The following RERE variants were observed in gnomAD, a reference collection of about 807,000 sequenced individuals.
The protein encoded by RERE is arginine-glutamic acid dipeptide repeats protein.
RERE carries 40 observed loss-of-function variants against 146.1 expected under a neutral mutation model. The ratio of observed to expected loss-of-function variants is 0.27; its 90% CI spans 0.21 to 0.36. RERE has a LOEUF of 0.36. Ranked by LOEUF, RERE falls within the 10% of genes least tolerant of loss-of-function variation. The probability of loss-of-function intolerance (pLI) is 1.00; values close to 1 mark genes in which losing one functional copy is unlikely to be tolerated. For missense variants in RERE, 1,933 were observed against 2,138.7 expected, an observed-to-expected ratio of 0.90 and a Z score of 1.90; for synonymous variants, 1,003 against 866.0, an observed-to-expected ratio of 1.16 and a Z score of -2.78.
intron 2 of RERE, among the ~76,000 whole-genome samples, chr1:8,654,225 T>C (rs1423886143): frequency 6.6e-6 from 1 of 151,994 alleles, no homozygotes; most frequent in African/African-American, 2.4e-5. Flanking sequence ...TTTGCAGAGA[T>C]ACGGTCTCAC....
At chr1:8,501,893 GT>G (rs1332733590) in intron 8 of RERE, among the ~76,000 whole-genome samples, 10 of 100,394 alleles carry the variant, frequency 1.0e-4, no homozygotes, top group African/African-American at 2.3e-4. Flanking sequence ...GGTGGGGGGG[GT>G]CAGCCCCCCG....
At chr1:8,400,120 T>A (rs1643197368) in intron 12 of RERE, among the ~76,000 whole-genome samples, 1 of 152,162 alleles carries the variant, frequency 6.6e-6, no homozygotes, top group African/African-American at 2.4e-5. Context: ...TGTAAAATTT[T>A]TCTATATTTT....
At chr1:8,565,899 G>A (rs1451733291) in intron 4 of RERE, among the ~76,000 whole-genome samples, 2 of 152,178 alleles carry the variant, frequency 1.3e-5, no homozygotes, top group Non-Finnish European at 2.9e-5. Context: ...ATGGGGACCA[G>A]TGGGTAAGGG....
Position 8,655,375 on chromosome 1 carries a change from T to C in RERE, c.325+598A>G, listed in dbSNP as rs1159398969. On this transcript the variant is annotated intron_variant, in intron 2 of 22. Transcript: ENST00000400908. ...GTGCACACCACCGAGCCCAGCTAAT[T>C]TTTGTATTTTTAGTAGAGACAGGGT... is the stretch of plus-strand genomic sequence containing the variant. 3.9e-5 allele frequency among the ~76,000 whole-genome samples: 6 copies of C among 151,958 alleles called. No individual in the cohort carries two copies. In the East Asian group the frequency reaches 1.2e-3, roughly 29 times the overall value.
chr1:8,580,983 T>G (rs1352026995), intron 4 of RERE, among the ~76,000 whole-genome samples: 1 of 152,154 alleles, frequency 6.6e-6, no homozygotes, highest in Non-Finnish European at 1.5e-5. Context: ...ATTACAGGTG[T>G]GAGCAACCAG....
intron 1 of RERE, among the ~76,000 whole-genome samples, chr1:8,772,416 C>T (rs1640969885): frequency 6.6e-6 from 1 of 152,044 alleles, no homozygotes; most frequent in African/African-American, 2.4e-5. Context: ...CATACTGTAC[C>T]TTGCTCTGAT....
chr1:8,532,408 CTCTTT>C (rs1217350001), intron 7 of RERE, among the ~76,000 whole-genome samples: 2 of 119,214 alleles, frequency 1.7e-5, no homozygotes, highest in Non-Finnish European at 3.3e-5. Flanking sequence ...TTTTCTTTTT[CTCTTT>C]TATTTGGGGG....
chr1:8,774,347 ATTTTTT>A (rs34859762), intron 1 of RERE, among the ~76,000 whole-genome samples: 460 of 93,168 alleles, frequency 4.9e-3, no homozygotes, highest in Admixed American at 9.9e-3. Flanking sequence ...TTGGCAAACT[ATTTTTT>A]TTTTTTTTTT....
intron 1 of RERE, among the ~76,000 whole-genome samples, chr1:8,773,051 T>C (rs1640984671): frequency 6.6e-6 from 1 of 151,814 alleles, no homozygotes; most frequent in Non-Finnish European, 1.5e-5. Flanking sequence ...CATGCCATTG[T>C]ATTCCAGCCT....
chr1:8,812,728 C>T (rs909920082), intron 1 of RERE, among the ~76,000 whole-genome samples: 11 of 152,136 alleles, frequency 7.2e-5, no homozygotes, highest in African/African-American at 2.7e-4. Flanking sequence ...TACTCTCTGA[C>T]CTAGTTACCT....
chr1:8,744,294 C>G (rs1640375600), intron 1 of RERE, among the ~76,000 whole-genome samples: 1 of 152,142 alleles, frequency 6.6e-6, no homozygotes, highest in South Asian at 2.1e-4. Flanking sequence ...ATGGAAAACC[C>G]TGATGTAGAA....
intron 7 of RERE, among the ~76,000 whole-genome samples, chr1:8,533,002 G>A (rs748518307): frequency 1.3e-5 from 2 of 152,210 alleles, no homozygotes; most frequent in Non-Finnish European, 2.9e-5. Context: ...AATGTGCTGG[G>A]ATTACAGGCA....
chr1:8,581,098 T>C (rs1160109430), intron 4 of RERE, among the ~76,000 whole-genome samples: 4 of 152,244 alleles, frequency 2.6e-5, no homozygotes, highest in African/African-American at 9.6e-5. Flanking sequence ...ACCATCTTCA[T>C]TGCCACCAAC....
chr1:8,417,422 A>G (rs918147037), intron 12 of RERE, among the ~76,000 whole-genome samples: 1 of 152,240 alleles, frequency 6.6e-6, no homozygotes, highest in Non-Finnish European at 1.5e-5. Context: ...GTTATTTATT[A>G]AATTAAAAAT....
chr1:8,507,614 G>A (rs1645271774), intron 8 of RERE, among the ~76,000 whole-genome samples: 1 of 152,006 alleles, frequency 6.6e-6, no homozygotes, highest in Non-Finnish European at 1.5e-5. Flanking sequence ...TCACCATGTT[G>A]GCCAGGCTGG....
intron 1 of RERE, among the ~76,000 whole-genome samples, chr1:8,740,173 A>G (rs1640280235): frequency 6.6e-6 from 1 of 152,252 alleles, no homozygotes; most frequent in Non-Finnish European, 1.5e-5. Context: ...AACAATGGAT[A>G]TATGTTCATC....
At chr1:8,473,723 T>C (rs1212367091) in intron 10 of RERE, among the ~76,000 whole-genome samples, 4 of 152,216 alleles carry the variant, frequency 2.6e-5, no homozygotes, top group African/African-American at 9.6e-5. Context: ...ACCAGTTGAG[T>C]TGAGGTTTTC....
At chr1:8,814,630 T>C (rs1269498251) in intron 1 of RERE, among the ~76,000 whole-genome samples, 7 of 152,176 alleles carry the variant, frequency 4.6e-5, no homozygotes, top group African/African-American at 1.7e-4. Context: ...CTGGTTTAAA[T>C]CCCAAGAAAA....
intron 1 of RERE, among the ~76,000 whole-genome samples, chr1:8,721,004 C>T (rs1173013457): frequency 2.6e-5 from 4 of 151,984 alleles, no homozygotes. Context: ...TGCAGTGAGC[C>T]GAGATCACCA....
Sources: gnomAD v4.1 joint callset for allele counts (sites outside exome capture counted in the v4.1 genomes callset) on GRCh38, gnomAD v4.1.1 for gene constraint, MANE v1.5 for transcripts, NCBI Gene and HGNC (gene_info 2026-07-23, HGNC 2026-07-21) for gene names.